The following SIRT2 variants were observed in gnomAD, a reference collection of about 807,000 sequenced individuals.
SIRT2 encodes NAD-dependent protein deacetylase sirtuin-2.
In SIRT2, 40 loss-of-function variants were observed where a neutral mutation model predicts 57.4. The observed-to-expected ratio is 0.70, with a 90% CI of 0.54 to 0.91. SIRT2 has a LOEUF of 0.91. Ranked by LOEUF, SIRT2 falls within the 40% of genes least tolerant of loss-of-function variation. The pLI, the probability that SIRT2 is intolerant of heterozygous loss-of-function variation, is 0.00. For missense variants in SIRT2, 439 were observed against 510.4 expected, an observed-to-expected ratio of 0.86 and a Z score of 1.35; for synonymous variants, 161 against 195.7, an observed-to-expected ratio of 0.82 and a Z score of 1.48.
intron 2 of SIRT2, among the ~76,000 whole-genome samples, chr19:38,896,362 C>A (rs1368402276): frequency 1.3e-5 from 2 of 152,126 alleles, no homozygotes; most frequent in Non-Finnish European, 2.9e-5. Flanking sequence ...GAACAATATG[C>A]TACAGACCCA....
At position 38,896,316 on chromosome 19, in the gene SIRT2, G is replaced by A. The variant is rs566167114; in HGVS notation, c.63+2063C>T. ...AAAACTAATATTTTTTACAGAAATA[G>A]GTCATAGTACAATACAACATCTTGA... On this transcript the variant is annotated intron_variant, in intron 2 of 15. Transcript: ENST00000249396. 5.9e-5 allele frequency among the ~76,000 whole-genome samples: 9 copies of A among 152,264 alleles called. No individual in the cohort carries two copies. In the South Asian group the frequency reaches 1.2e-3, roughly 21 times the overall value.
intron 14 of SIRT2, 48 bp from the exon 15 acceptor site, chr19:38,879,548 C>T: frequency 6.4e-7 from 1 of 1,565,544 alleles, no homozygotes; most frequent in African/African-American, 1.4e-5. Flanking sequence ...TCGCCCCTGC[C>T]TGCTCCTCTC....
intron 3 of SIRT2, 39 bp downstream of exon 3, chr19:38,893,780 C>G (rs201560777): frequency 1.1e-5 from 17 of 1,612,000 alleles, no homozygotes; most frequent in Non-Finnish European, 1.4e-5. Context: ...CCCCCGCCCC[C>G]CAGAACCCTG....
chr19:38,887,749 T>TTTTGTTTG (rs559006715), intron 8 of SIRT2, among the ~76,000 whole-genome samples: 1 of 152,066 alleles, frequency 6.6e-6, no homozygotes, highest in African/African-American at 2.4e-5. Flanking sequence ...TACCACTCTT[T>TTTTGTTTG]TTTGTTTGTT....
intron 1 of SIRT2, 26 bp from the exon 2 acceptor site, chr19:38,898,451 A>C: frequency 1.4e-6 from 2 of 1,474,914 alleles, no homozygotes; most frequent in South Asian, 2.8e-5. Flanking sequence ...AGAGGTGGTT[A>C]CAGTGGGGAG....
intron 8 of SIRT2, 115 bp downstream of exon 8, chr19:38,888,972 C>T (rs1014605448): frequency 2.5e-5 from 22 of 891,410 alleles, no homozygotes; most frequent in South Asian, 4.3e-5. Flanking sequence ...GCCCTGGCCC[C>T]GCATTGCTGG....
intron 7 of SIRT2, 75 bp downstream of exon 7, chr19:38,889,614 G>A: frequency 6.5e-7 from 1 of 1,529,592 alleles, no homozygotes; most frequent in South Asian, 1.1e-5. Flanking sequence ...TTGTCTGCAG[G>A]GCCTTGGCGG....
At chr19:38,884,280 T>C (rs759370569) in intron 8 of SIRT2, among the ~76,000 whole-genome samples, 2 of 152,190 alleles carry the variant, frequency 1.3e-5, no homozygotes, top group Non-Finnish European at 2.9e-5. Flanking sequence ...CCACCTGTCA[T>C]TAATTGCTGA....
At chr19:38,883,502 AAAAC>A (rs767905540) in intron 9 of SIRT2, 121 bp downstream of exon 9, 267 of 1,331,778 alleles carry the variant, frequency 2.0e-4, no homozygotes, top group Non-Finnish European at 2.7e-4. Context: ...CTCTGTCTCA[AAAAC>A]AAACAAACAA....
At chr19:38,889,580 A>T (rs1254159687) in intron 7 of SIRT2, 109 bp downstream of exon 7, 1 of 1,256,324 alleles carries the variant, frequency 8.0e-7, no homozygotes. Context: ...CCCAGCACCC[A>T]TGTACTTAAT....
chr19:38,894,117 G>T, intron 2 of SIRT2: 1 of 659,740 alleles, frequency 1.5e-6, no homozygotes, highest in Non-Finnish European at 2.5e-6. Flanking sequence ...TCTTTTTTGA[G>T]ACAGTGTCTC....
chr19:38,897,785 C>G (rs1255823857), intron 2 of SIRT2, among the ~76,000 whole-genome samples: 1 of 151,752 alleles, frequency 6.6e-6, no homozygotes, highest in African/African-American at 2.4e-5. Flanking sequence ...CTCAGCCTCC[C>G]AAAGTACTGG....
At chr19:38,893,591 G>A in intron 3 of SIRT2, 64 bp from the exon 4 acceptor site, 1 of 1,298,594 alleles carries the variant, frequency 7.7e-7, no homozygotes, top group Non-Finnish European at 1.1e-6. Flanking sequence ...GATGTCTCCG[G>A]CACCCTGGCC....
rs140708383 is a variant in SIRT2 at position 38,880,045 on chromosome 19, G to A, written c.877-343C>T. On this transcript the variant is annotated intron_variant, in intron 13 of 15. Coordinates refer to ENST00000249396, the MANE Select transcript of SIRT2 (RefSeq NM_012237.4). This position sits in a 1 kb window ranked among gnomAD's most constrained non-coding sequence, Gnocchi z 4.1. Reference sequence around the variant, plus strand: ...TCACCATGTTGGTCAGGCTGGTCTCGAACTCCTGACCTCAGGTGATCCACC... The same window carrying A: ...TCACCATGTTGGTCAGGCTGGTCTCAAACTCCTGACCTCAGGTGATCCACC... 1,672 of 242,868 alleles carry A rather than the reference G, an allele frequency of 6.9e-3. 30 individuals are homozygous for A. The highest frequency in any genetic ancestry group is 0.035 in the African/African-American group (1,552 of 44,450). The allele number at this position is 242,868 out of a possible 1,614,324, so 15.0% of individuals were successfully genotyped here.
intron 2 of SIRT2, among the ~76,000 whole-genome samples, chr19:38,897,180 A>T (rs571823247): frequency 5.9e-5 from 9 of 152,310 alleles, no homozygotes; most frequent in African/African-American, 2.2e-4. Flanking sequence ...AATTGAGATG[A>T]GGCACGTTTG....
In SIRT2 at chr19:38,878,805, A is replaced by C; in HGVS notation, c.*350T>G. ...CCACAGGCCCCCGGGGGCAGGAGACAGAGTGGGGGCCCGAAGCTCCCTGTC... is the reference window on the plus strand; with the variant it reads ...CCACAGGCCCCCGGGGGCAGGAGACCGAGTGGGGGCCCGAAGCTCCCTGTC... On this transcript the variant is annotated 3_prime_UTR_variant, in exon 16 of 16. Coordinates refer to ENST00000249396, the MANE Select transcript of SIRT2 (RefSeq NM_012237.4). The C allele has an allele frequency of 4.9e-6, 1 of 204,426 alleles. No individual in the cohort carries two copies. The highest frequency in any genetic ancestry group is 1.2e-4 in the East Asian group (1 of 8,362). 12.7% of individuals were successfully genotyped at this position (204,426 alleles called of 1,614,324 possible). A position where few individuals can be genotyped will look rare whatever the true frequency, so the allele number is the denominator to read the frequency against.
intron 9 of SIRT2, 82 bp from the exon 10 acceptor site, chr19:38,881,573 T>C: frequency 9.0e-7 from 1 of 1,107,166 alleles, no homozygotes; most frequent in Non-Finnish European, 1.4e-6. Context: ...CCCACCCCTC[T>C]TCCACTGTTA....
intron 4 of SIRT2, among the ~76,000 whole-genome samples, chr19:38,891,604 C>G (rs901852566): frequency 2.0e-5 from 3 of 151,942 alleles, no homozygotes; most frequent in Non-Finnish European, 2.9e-5. Flanking sequence ...GGAGCCTCAC[C>G]TTTAAATTTT....
chr19:38,886,007 G>A (rs1973326057), intron 8 of SIRT2, among the ~76,000 whole-genome samples: 1 of 152,202 alleles, frequency 6.6e-6, no homozygotes, highest in Admixed American at 6.5e-5. Context: ...TGGAGCAGCT[G>A]TTGTTTGCCT....
Sources: gnomAD v4.1 joint callset for allele counts (sites outside exome capture counted in the v4.1 genomes callset) on GRCh38, gnomAD v4.1.1 for gene constraint, Gnocchi (gnomAD v3.1) non-coding constraint, MANE v1.5 for transcripts, NCBI Gene and HGNC (gene_info 2026-07-23, HGNC 2026-07-21) for gene names.